The following CREM variants were observed in gnomAD, a reference collection of about 807,000 sequenced individuals.
The protein encoded by CREM is cAMP-responsive element modulator.
In CREM, 13 loss-of-function variants were observed where a neutral mutation model predicts 37.3. That is an observed-to-expected ratio of 0.35 (90% CI 0.23 to 0.55). The LOEUF is 0.55. Ranked by LOEUF, CREM falls within the 20% of genes least tolerant of loss-of-function variation. The pLI is 0.88. For missense variants in CREM, 296 were observed against 362.3 expected, an observed-to-expected ratio of 0.82 and a Z score of 1.49; for synonymous variants, 124 against 120.2, an observed-to-expected ratio of 1.03 and a Z score of -0.21.
At chr10:35,161,952 T>G (rs563774100) in intron 3 of CREM, among the ~76,000 whole-genome samples, 29 of 152,292 alleles carry the variant, frequency 1.9e-4, no homozygotes, top group Non-Finnish European at 3.8e-4. Flanking sequence ...GAAAGCAGTG[T>G]GTGGAAGAGA....
At position 35,212,117 on chromosome 10, in the gene CREM, G is replaced by T. The variant is rs2134950571; in HGVS notation, c.*719G>T. ...TCCTATGCAATAAAATTATTTGCAG[G>T]TCTTTAAATCATTTTAGGAAAGGAT... On this transcript the variant is annotated 3_prime_UTR_variant, in exon 8 of 8. Coordinates refer to ENST00000685392, the MANE Select transcript of CREM (RefSeq NM_183011.2). The T allele has an allele frequency of 4.9e-6, 1 of 202,154 alleles. No individual in the cohort carries two copies. Among genetic ancestry groups the T allele is most frequent in the Non-Finnish European group, 9.9e-6 (1 of 101,446 alleles). The allele number at this position is 202,154 out of a possible 1,614,324, so 12.5% of individuals were successfully genotyped here.
At chr10:35,147,763 G>C (rs2092283683) in intron 2 of CREM, among the ~76,000 whole-genome samples, 1 of 152,164 alleles carries the variant, frequency 6.6e-6, no homozygotes, top group South Asian at 2.1e-4. Flanking sequence ...TTAAAGTAAT[G>C]ATCAGGAAGA....
At chr10:35,186,999 TATATATAATATA>T (rs1372859962) in intron 5 of CREM, among the ~76,000 whole-genome samples, 2 of 90,612 alleles carry the variant, frequency 2.2e-5, no homozygotes, top group Admixed American at 1.9e-4. Flanking sequence ...TATTATATAT[TATATATAATATA>T]ATATATAATA....
chr10:35,179,201 G>A lies in CREM; in HGVS notation c.334G>A (p.Glu112Lys). Residue 112 changes from glutamate (E) to lysine (K), a missense_variant, in exon 5 of 8, where the codon GAA (glutamate) becomes AAA (lysine). This residue lies in a region of CREM where 257 missense variants were observed against 280.2 expected (regional missense o/e 0.92). Coordinates refer to ENST00000685392, the MANE Select transcript of CREM (RefSeq NM_183011.2). The part of the protein sequence containing the change: ...VPKIEEERSE[E>K]EGTPPSIATM... ...CAAGATTGAAGAAGAGAGATCAGAG[G>A]AAGAAGGAACACCACCTAGTATTGC... 1 of 1,614,072 alleles carries A rather than the reference G, an allele frequency of 6.2e-7. No individual in the cohort carries two copies.
chr10:35,140,199 G>A (rs191265301), intron 2 of CREM, among the ~76,000 whole-genome samples: 20 of 152,178 alleles, frequency 1.3e-4, no homozygotes, highest in Admixed American at 7.9e-4. Context: ...ACTGAACACC[G>A]TGCTAGGTAC....
At chr10:35,138,317 A>C (rs767203777) in intron 2 of CREM, among the ~76,000 whole-genome samples, 3 of 152,226 alleles carry the variant, frequency 2.0e-5, no homozygotes, top group Non-Finnish European at 2.9e-5. Flanking sequence ...TTTCAGAGAC[A>C]TTCTGTTTCG....
Position 35,142,888 on chromosome 10 carries a change from G to A in CREM, c.44+5009G>A, listed in dbSNP as rs142300129. Among the ~76,000 whole-genome samples, 1,214 of 152,300 alleles carry A rather than the reference G, an allele frequency of 8.0e-3. 6 individuals carry two copies. Among genetic ancestry groups the A allele is most frequent in the Middle Eastern group, 0.024 (7 of 294 alleles). On this transcript the variant is annotated intron_variant, in intron 2 of 7. Coordinates refer to ENST00000685392, the MANE Select transcript of CREM (RefSeq NM_183011.2). ...CCCCCAGAGTGTTGGGATTACAGGCGTGAGCCCCTGTGCTTGGCCTCAATA... is the reference window on the plus strand; with the variant it reads ...CCCCCAGAGTGTTGGGATTACAGGCATGAGCCCCTGTGCTTGGCCTCAATA...
intron 3 of CREM, among the ~76,000 whole-genome samples, chr10:35,158,822 T>G (rs905856679): frequency 6.6e-5 from 7 of 106,052 alleles, no homozygotes; most frequent in South Asian, 3.1e-4. Context: ...GTTTTGTTTG[T>G]TTTTTTTTTT....
intron 3 of CREM, among the ~76,000 whole-genome samples, chr10:35,149,938 A>ACACACACCCC (rs796295851): frequency 6.9e-6 from 1 of 145,436 alleles, no homozygotes; most frequent in East Asian, 2.0e-4. Flanking sequence ...ACACACACAC[A>ACACACACCCC]CCCTTGTTAA....
intron 6 of CREM, among the ~76,000 whole-genome samples, chr10:35,198,853 A>G (rs1356711556): frequency 6.6e-6 from 1 of 152,248 alleles, no homozygotes; most frequent in East Asian, 1.9e-4. Context: ...TATTTACATA[A>G]AAGAATAATT....
Position 35,137,004 on chromosome 10 carries a change from A to G in CREM, c.-54-778A>G, listed in dbSNP as rs187628205. On this transcript the variant is annotated intron_variant, in intron 1 of 7. Transcript: ENST00000685392. Reference sequence around the variant, plus strand: ...CCTGGTCAGTTTTCTTGTAGAGACAAGGTCTCACTGTGTTGCCAAGGCTTG... The same window carrying G: ...CCTGGTCAGTTTTCTTGTAGAGACAGGGTCTCACTGTGTTGCCAAGGCTTG... 2.3e-3 allele frequency among the ~76,000 whole-genome samples: 354 copies of G among 152,126 alleles called. 3 individuals are homozygous for G. Among genetic ancestry groups the G allele is most frequent in the African/African-American group, 8.2e-3 (339 of 41,522 alleles).
Position 35,211,929 on chromosome 10 carries a change from T to C in CREM, c.*531T>C. The C allele has an allele frequency of 1.0e-6, 1 of 975,910 alleles. No individual in the cohort carries two copies. The highest frequency in any genetic ancestry group is 1.4e-6 in the Non-Finnish European group (1 of 705,986). 60.5% of individuals were successfully genotyped at this position (975,910 alleles called of 1,614,324 possible). A position where few individuals can be genotyped will look rare whatever the true frequency, so the allele number is the denominator to read the frequency against. On this transcript the variant is annotated 3_prime_UTR_variant, in exon 8 of 8. Coordinates refer to ENST00000685392, the MANE Select transcript of CREM (RefSeq NM_183011.2). ...ATCTTCTTCTTTAATCACTTAACAT[T>C]CCTAAAATGCTTCACTGTACGTAGT...
intron 6 of CREM, among the ~76,000 whole-genome samples, chr10:35,201,205 TCCC>T (rs1372051357): frequency 2.0e-5 from 3 of 152,328 alleles, no homozygotes; most frequent in African/African-American, 7.2e-5. Flanking sequence ...AAATTTGGAT[TCCC>T]TGGGTTTGTC....
chr10:35,175,869 C>T (rs766055075), intron 3 of CREM: 13 of 1,569,242 alleles, frequency 8.3e-6, no homozygotes, highest in African/African-American at 2.7e-5. Flanking sequence ...GTGGCTGGAT[C>T]AGGCACCAGA....
intron 3 of CREM, among the ~76,000 whole-genome samples, chr10:35,156,587 T>G (rs936028641): frequency 2.0e-5 from 3 of 152,232 alleles, no homozygotes; most frequent in Non-Finnish European, 4.4e-5. Context: ...TCGTTTGTTA[T>G]TATAACCCTT....
intron 2 of CREM, 74 bp downstream of exon 2, chr10:35,137,953 TATAGATGTACAC>T: frequency 7.7e-6 from 9 of 1,164,224 alleles, no homozygotes; most frequent in Non-Finnish European, 1.1e-5. Flanking sequence ...TAAATTGATA[TATAGATGTACAC>T]ATACATGTAT....
intron 6 of CREM, among the ~76,000 whole-genome samples, chr10:35,204,564 C>T (rs561790598): frequency 3.3e-4 from 48 of 145,864 alleles, no homozygotes; most frequent in Non-Finnish European, 5.8e-4. Context: ...TGCACCAGTG[C>T]GCTCCAGCCT....
At chr10:35,161,937 G>A (rs182692330) in intron 3 of CREM, among the ~76,000 whole-genome samples, 46 of 152,262 alleles carry the variant, frequency 3.0e-4, no homozygotes, top group African/African-American at 1.0e-3. Context: ...CTATCCAAAG[G>A]AGATGAAAGC....
intron 3 of CREM, 180 bp downstream of exon 3, chr10:35,148,671 T>C: frequency 3.1e-6 from 2 of 642,408 alleles, no homozygotes; most frequent in Non-Finnish European, 5.0e-6. Context: ...TTAACAGACA[T>C]TCAGCAGTGC....
Sources: gnomAD v4.1 joint callset for allele counts (sites outside exome capture counted in the v4.1 genomes callset) on GRCh38, gnomAD v4.1.1 for gene constraint, gnomAD v4.1.1 regional missense constraint, MANE v1.5 for transcripts, NCBI Gene and HGNC (gene_info 2026-07-23, HGNC 2026-07-21) for gene names.